Variants in AMOTL1 observed in about 807,000 individuals in gnomAD.
The protein encoded by AMOTL1 is angiomotin like 1, also known as angiomotin-like protein 1.
In AMOTL1, 45 loss-of-function variants were observed where a neutral mutation model predicts 102.9. That is an observed-to-expected ratio of 0.44 (90% CI 0.34 to 0.56). The LOEUF is 0.56. AMOTL1 is among the 20% of genes least tolerant of loss of function. The pLI is 0.01. For missense variants in AMOTL1, 1,114 were observed against 1,225.6 expected (o/e 0.91, Z 1.36); for synonymous variants, 481 against 484.7 (o/e 0.99, Z 0.10).
intron 3 of AMOTL1, among the ~76,000 whole-genome samples, chr11:94,812,322 G>A (rs1405167764): frequency 6.6e-6 from 1 of 152,154 alleles, no homozygotes; most frequent in South Asian, 2.1e-4. Flanking sequence ...TGGTCCAGAA[G>A]GGCAGGACAA....
chr11:94,713,087 C>A (rs1950043634), intron 1 of AMOTL1, among the ~76,000 whole-genome samples: 1 of 151,118 alleles, frequency 6.6e-6, no homozygotes, highest in African/African-American at 2.4e-5. Flanking sequence ...TGTCCAATTT[C>A]TCAAGCACCA....
chr11:94,801,686 G>A (rs1412125468), intron 3 of AMOTL1, among the ~76,000 whole-genome samples: 1 of 152,120 alleles, frequency 6.6e-6, no homozygotes, highest in Non-Finnish European at 1.5e-5. Context: ...GAACTGACAG[G>A]GTTTAGGGAT....
intron 3 of AMOTL1, among the ~76,000 whole-genome samples, chr11:94,756,740 C>T (rs1361456832): frequency 1.3e-5 from 2 of 152,030 alleles, no homozygotes; most frequent in Admixed American, 6.5e-5. Context: ...TAGATATGGC[C>T]GAGTTTCCCC....
At chr11:94,852,363 A>G (rs1952558693) in intron 7 of AMOTL1, among the ~76,000 whole-genome samples, 1 of 152,268 alleles carries the variant, frequency 6.6e-6, no homozygotes, top group Non-Finnish European at 1.5e-5. Context: ...TGAGTCAGAA[A>G]GCTCACCTAG....
intron 1 of AMOTL1, among the ~76,000 whole-genome samples, chr11:94,713,500 A>G (rs1402124746): frequency 2.0e-5 from 3 of 151,376 alleles, no homozygotes; most frequent in Non-Finnish European, 4.4e-5. Context: ...GAGTCTTCCA[A>G]TCCTTTAACA....
At chr11:94,747,287 C>T (rs952628708) in intron 3 of AMOTL1, among the ~76,000 whole-genome samples, 1 of 152,098 alleles carries the variant, frequency 6.6e-6, no homozygotes, top group African/African-American at 2.4e-5. Flanking sequence ...GGTTGCTTGA[C>T]CCTCTGGCAT....
chr11:94,861,615 G>T (rs998952362), intron 9 of AMOTL1, among the ~76,000 whole-genome samples: 4 of 152,198 alleles, frequency 2.6e-5, no homozygotes, highest in Non-Finnish European at 5.9e-5. Context: ...AAGCCCTTCT[G>T]AGTGTCGCTT....
chr11:94,724,685 G>C (rs1383584012), intron 1 of AMOTL1, among the ~76,000 whole-genome samples: 1 of 152,126 alleles, frequency 6.6e-6, no homozygotes, highest in Non-Finnish European at 1.5e-5. Context: ...TACAATATTT[G>C]TTGTTTTTCT....
intron 1 of AMOTL1, among the ~76,000 whole-genome samples, chr11:94,783,682 C>T (rs1951141934): frequency 6.6e-6 from 1 of 152,214 alleles, no homozygotes; most frequent in African/African-American, 2.4e-5. Context: ...CCACTCCACA[C>T]TTCCTTGATA....
At chr11:94,860,956 C>T (rs1952761607) in intron 9 of AMOTL1, among the ~76,000 whole-genome samples, 1 of 152,172 alleles carries the variant, frequency 6.6e-6, no homozygotes. Context: ...CAGTGGTATG[C>T]TCAGATGTTA....
At chr11:94,729,751 G>A (rs1442913687) in intron 2 of AMOTL1, among the ~76,000 whole-genome samples, 1 of 152,156 alleles carries the variant, frequency 6.6e-6, no homozygotes, top group Non-Finnish European at 1.5e-5. Flanking sequence ...ACTCACAGAT[G>A]TTTTCACAAG....
chr11:94,812,260 G>C (rs1052753837), intron 3 of AMOTL1, among the ~76,000 whole-genome samples: 1 of 152,104 alleles, frequency 6.6e-6, no homozygotes, highest in Non-Finnish European at 1.5e-5. Context: ...ATTTTGTCAA[G>C]CTTAAGAATG....
At chr11:94,865,506 C>T (rs1334518027) in intron 10 of AMOTL1, among the ~76,000 whole-genome samples, 2 of 152,164 alleles carry the variant, frequency 1.3e-5, no homozygotes, top group African/African-American at 4.8e-5. Context: ...CATCTTCTAC[C>T]AGAGAACCTG....
At chr11:94,745,011 A>G (rs1416606741) in intron 3 of AMOTL1, among the ~76,000 whole-genome samples, 1 of 152,184 alleles carries the variant, frequency 6.6e-6, no homozygotes, top group Non-Finnish European at 1.5e-5. Flanking sequence ...TCTTTATCCC[A>G]GGGAATGCCT....
intron 4 of AMOTL1, 124 bp from the exon 5 acceptor site, chr11:94,829,926 T>A (rs1237658746): frequency 2.9e-5 from 28 of 950,000 alleles, no homozygotes; most frequent in Non-Finnish European, 4.3e-5. Flanking sequence ...CACATGAAAC[T>A]TGAGATGCAG....
intron 2 of AMOTL1, among the ~76,000 whole-genome samples, chr11:94,798,355 A>G (rs1053432005): frequency 6.6e-6 from 1 of 152,146 alleles, no homozygotes; most frequent in South Asian, 2.1e-4. Context: ...CGGGAATAAG[A>G]AAGAGGGTTG....
At chr11:94,808,713 C>T (rs1035850875) in intron 3 of AMOTL1, among the ~76,000 whole-genome samples, 4 of 152,084 alleles carry the variant, frequency 2.6e-5, no homozygotes, top group South Asian at 2.1e-4. Flanking sequence ...GAGCAGCTCT[C>T]ACTGTTCAAT....
intron 11 of AMOTL1, among the ~76,000 whole-genome samples, chr11:94,868,548 T>C (rs1952928546): frequency 6.6e-6 from 1 of 152,112 alleles, no homozygotes; most frequent in African/African-American, 2.4e-5. Context: ...CTGGCTGGCT[T>C]TCTGCTTCTG....
At chr11:94,852,429 GA>G in intron 7 of AMOTL1, among the ~76,000 whole-genome samples, 2 of 152,332 alleles carry the variant, frequency 1.3e-5, no homozygotes, top group Non-Finnish European at 2.9e-5. Flanking sequence ...ACTTAAGATT[GA>G]ATACACCCAG....
Sources: allele counts gnomAD v4.1 joint callset (sites outside exome capture counted in the v4.1 genomes callset), GRCh38; gene constraint gnomAD v4.1.1; transcripts MANE v1.5; gene names NCBI Gene and HGNC (gene_info 2026-07-23, HGNC 2026-07-21).